GIGYF2: variants seen among roughly 807,000 people sequenced by gnomAD.
The protein encoded by GIGYF2 is GRB10-interacting GYF protein 2.
GIGYF2 carries 25 observed loss-of-function variants against 208.1 expected under a neutral mutation model. The ratio of observed to expected loss-of-function variants is 0.12; its 90% CI spans 0.09 to 0.17. The LOEUF (loss-of-function observed/expected upper bound fraction) is 0.17, where lower values mean the gene tolerates loss of function less well. Ranked by LOEUF, GIGYF2 falls within the 10% of genes least tolerant of loss-of-function variation. GIGYF2 has a pLI of 1.00. For missense variants in GIGYF2, 1,302 were observed against 1,579.4 expected (o/e 0.82, Z 2.98); for synonymous variants, 534 against 543.8 (o/e 0.98, Z 0.25).
chr2:232,794,986 C>T lies in GIGYF2; in HGVS notation c.1479+42C>T, dbSNP rs79241764. ...TTCTTTTTGTCTCCTCTTAAACTGC[C>T]GTAAGAATTAGCAGGCATTGCATGA... On this transcript the variant is annotated intron_variant, in intron 13 of 28. Coordinates refer to ENST00000373563, the MANE Select transcript of GIGYF2 (RefSeq NM_001103146.3). 4.3e-3 allele frequency: 6,092 copies of T among 1,407,322 alleles called. 206 individuals are homozygous for T. In the African/African-American group the frequency reaches 0.075, roughly 17 times the overall value. 87.2% of individuals were successfully genotyped at this position (1,407,322 alleles called of 1,614,324 possible). A position where few individuals can be genotyped will look rare whatever the true frequency, so the allele number is the denominator to read the frequency against.
chr2:232,774,863 T>G (rs1699445265), intron 8 of GIGYF2, among the ~76,000 whole-genome samples: 1 of 152,210 alleles, frequency 6.6e-6, no homozygotes, highest in African/African-American at 2.4e-5. Flanking sequence ...CTTAGAGCCT[T>G]TCTGTATAGA....
Position 232,836,302 on chromosome 2 carries a change from A to AC in GIGYF2, c.2766+3209_2766+3210insC, listed in dbSNP as rs1559160523. 7.3e-3 allele frequency among the ~76,000 whole-genome samples: 157 copies of AC among 21,564 alleles called. 7 individuals carry two copies. The highest frequency in any genetic ancestry group is 7.5e-3 in the Admixed American group (12 of 1,600). 14.1% of individuals were successfully genotyped at this position (21,564 alleles called of 152,430 possible). ...TATATATATATATATATATATATAT[A>AC]TATATATATATATATATATATATAT... On this transcript the variant is annotated intron_variant, in intron 22 of 28. Transcript: ENST00000373563.
At position 232,806,434 on chromosome 2, in the gene GIGYF2, T is replaced by TC. The variant is rs1176815659; in HGVS notation, c.1640-56dup. ...AATCAGATGCAGGAAATATTTTTTT[T>TC]CTCTTTGAGTCTGAAAGGTTTCTTA... On this transcript the variant is annotated intron_variant, in intron 14 of 28. Coordinates refer to ENST00000373563, the MANE Select transcript of GIGYF2 (RefSeq NM_001103146.3). The surrounding 1 kb of genome is among the most constrained non-coding windows in gnomAD (Gnocchi z 4.0). 10 of 1,205,654 alleles carry TC rather than the reference T, an allele frequency of 8.3e-6. No individual in the cohort carries two copies. The East Asian group carries it at 2.3e-4, about 28-fold the overall frequency. The allele number at this position is 1,205,654 out of a possible 1,614,324, so 74.7% of individuals were successfully genotyped here.
At chr2:232,805,088 AAT>A (rs1365888273) in intron 14 of GIGYF2, among the ~76,000 whole-genome samples, 2 of 152,074 alleles carry the variant, frequency 1.3e-5, no homozygotes, top group Non-Finnish European at 2.9e-5. Context: ...GTATACACTG[AAT>A]ATGATTTTAA....
At chr2:232,759,900 A>G (rs1698682096) in intron 6 of GIGYF2, among the ~76,000 whole-genome samples, 1 of 152,136 alleles carries the variant, frequency 6.6e-6, no homozygotes, top group South Asian at 2.1e-4. Flanking sequence ...TAGTCCTGAT[A>G]CATTTCTTTT....
In GIGYF2 at chr2:232,833,027, G is replaced by A. The variant is rs1259599383; in HGVS notation, c.2700G>A (p.Gln900=). ...QRQKELMRQR[Q]QQQEALRRLQ... is the part of the protein sequence containing the mutation. ...AGAAGGAGTTAATGCGCCAGAGGCA[G>A]CAGCAGCAAGAGGCTCTCCGGAGGT... is the stretch of plus-strand genomic sequence containing the variant. The change falls in exon 22 of 29, where the codon CAG becomes CAA. Residue 900 remains glutamine (Q), a synonymous_variant. Coordinates refer to ENST00000373563, the MANE Select transcript of GIGYF2 (RefSeq NM_001103146.3). 5 of 1,564,482 alleles carry A rather than the reference G, an allele frequency of 3.2e-6. No homozygotes were observed. Among genetic ancestry groups the A allele is most frequent in the East Asian group, 2.4e-5 (1 of 42,218 alleles).
At chr2:232,839,203 G>T (rs1701741162) in intron 22 of GIGYF2, among the ~76,000 whole-genome samples, 1 of 152,054 alleles carries the variant, frequency 6.6e-6, no homozygotes, top group Non-Finnish European at 1.5e-5. Context: ...GAATAATCAG[G>T]CTTTGAGAAT....
At chr2:232,797,772 G>A (rs1241665816) in intron 14 of GIGYF2, among the ~76,000 whole-genome samples, 2 of 151,968 alleles carry the variant, frequency 1.3e-5, no homozygotes, top group African/African-American at 4.8e-5. Flanking sequence ...CTTGAGGCCA[G>A]GAGTTCAAGA....
chr2:232,791,561 C>T (rs746463501), intron 12 of GIGYF2, 115 bp downstream of exon 12: 98 of 856,382 alleles, frequency 1.1e-4, no homozygotes, highest in Admixed American at 1.6e-4. Flanking sequence ...GGTGAATTAT[C>T]GGAATAGATT....
At chr2:232,732,710 G>T (rs922622844) in intron 2 of GIGYF2, among the ~76,000 whole-genome samples, 2 of 150,504 alleles carry the variant, frequency 1.3e-5, no homozygotes, top group African/African-American at 4.9e-5. Context: ...GTGCAATCAC[G>T]ACTCATTGTA....
At chr2:232,778,624 G>A (rs143949238) in intron 8 of GIGYF2, among the ~76,000 whole-genome samples, 31 of 152,248 alleles carry the variant, frequency 2.0e-4, no homozygotes, top group Non-Finnish European at 4.1e-4. Flanking sequence ...ATAATATAAA[G>A]CAACAGTAGG....
chr2:232,705,333 G>T (rs928095095), intron 2 of GIGYF2: 4 of 152,122 alleles, frequency 2.6e-5, no homozygotes, highest in Non-Finnish European at 4.4e-5. Context: ...ATACATTTTT[G>T]TATTCCAGAA....
At chr2:232,731,278 A>G (rs1459387710) in intron 2 of GIGYF2, 1 of 152,272 alleles carries the variant, frequency 6.6e-6, no homozygotes, top group Non-Finnish European at 1.5e-5. Flanking sequence ...AGGGGAAAAA[A>G]TTAAATCACT....
intron 5 of GIGYF2, among the ~76,000 whole-genome samples, chr2:232,749,742 G>A (rs1698271882): frequency 6.6e-6 from 1 of 152,072 alleles, no homozygotes. Flanking sequence ...AGAGAATCCA[G>A]GGAGCCAAAA....
intron 8 of GIGYF2, among the ~76,000 whole-genome samples, chr2:232,774,878 A>G (rs1370757974): frequency 6.6e-6 from 1 of 152,200 alleles, no homozygotes; most frequent in Non-Finnish European, 1.5e-5. Context: ...TATAGACTGT[A>G]GCTAACAAAA....
At chr2:232,768,083 G>GT in intron 8 of GIGYF2, 1 of 1,081,222 alleles carries the variant, frequency 9.2e-7, no homozygotes, top group African/African-American at 1.6e-5. Context: ...TTACCGTGAT[G>GT]TAGAGAGCTA....
intron 5 of GIGYF2, 25 bp from the exon 6 acceptor site, chr2:232,756,198 T>C: frequency 5.8e-6 from 1 of 172,596 alleles, no homozygotes; most frequent in Non-Finnish European, 8.2e-6. Context: ...CCTTTTTCTC[T>C]TTTTTTTTTT....
intron 13 of GIGYF2, among the ~76,000 whole-genome samples, chr2:232,795,536 C>T (rs1178572436): frequency 6.6e-6 from 1 of 152,116 alleles, no homozygotes; most frequent in African/African-American, 2.4e-5. Context: ...GCCTTTTGTT[C>T]TATTAACATT....
chr2:232,858,376 CCCTT>C lies in GIGYF2; in HGVS notation c.*1518_*1521del. 1 of 414,304 alleles carries C rather than the reference CCCTT, an allele frequency of 2.4e-6. No individual in the cohort carries two copies. The highest frequency in any genetic ancestry group is 4.7e-6 in the Non-Finnish European group (1 of 212,750). The allele number at this position is 414,304 out of a possible 1,614,324, so 25.7% of individuals were successfully genotyped here. A position where few individuals can be genotyped will look rare whatever the true frequency, so the allele number is the denominator to read the frequency against. On this transcript the variant is annotated 3_prime_UTR_variant, in exon 29 of 29. Coordinates refer to ENST00000373563, the MANE Select transcript of GIGYF2 (RefSeq NM_001103146.3). ...TCTCCCTATCCCTTCTTGCCTCCCT[CCCTT>C]CTAAACATGTGTAATAACTATACAG...
Sources: gnomAD v4.1 joint callset for allele counts (sites outside exome capture counted in the v4.1 genomes callset) on GRCh38, gnomAD v4.1.1 for gene constraint, Gnocchi (gnomAD v3.1) non-coding constraint, MANE v1.5 for transcripts, NCBI Gene and HGNC (gene_info 2026-07-23, HGNC 2026-07-21) for gene names.